Variants in MLLT3 observed in about 807,000 individuals in gnomAD.
MLLT3 encodes the protein MLLT3 super elongation complex subunit, also known as protein AF-9.
MLLT3 carries 4 observed loss-of-function variants against 53.2 expected under a neutral mutation model. The ratio of observed to expected loss-of-function variants is 0.08; its 90% CI spans 0.04 to 0.17. MLLT3 has a LOEUF of 0.17. Ranked by LOEUF, MLLT3 falls within the 10% of genes least tolerant of loss-of-function variation. The pLI is 1.00. For missense variants in MLLT3, 569 were observed against 684.0 expected, an observed-to-expected ratio of 0.83 and a Z score of 1.87; for synonymous variants, 283 against 230.6, an observed-to-expected ratio of 1.23 and a Z score of -2.06.
chr9:20,398,080 C>T (rs554023426), intron 5 of MLLT3, among the ~76,000 whole-genome samples: 1 of 152,098 alleles, frequency 6.6e-6, no homozygotes, highest in African/African-American at 2.4e-5. Context: ...CATTCTTCTG[C>T]ATATACAATG....
intron 2 of MLLT3, among the ~76,000 whole-genome samples, chr9:20,597,680 C>T (rs1411203985): frequency 6.6e-6 from 1 of 152,064 alleles, no homozygotes; most frequent in Non-Finnish European, 1.5e-5. Context: ...AAAGTTTTAG[C>T]GTCTTGTAAT....
At chr9:20,590,341 G>C (rs1234591863) in intron 2 of MLLT3, among the ~76,000 whole-genome samples, 6 of 152,208 alleles carry the variant, frequency 3.9e-5, no homozygotes, top group Admixed American at 2.0e-4. Flanking sequence ...GATATGGGTT[G>C]CATGTGTCCC....
At chr9:20,511,370 C>T (rs1226848148) in intron 2 of MLLT3, among the ~76,000 whole-genome samples, 2 of 152,056 alleles carry the variant, frequency 1.3e-5, no homozygotes, top group Non-Finnish European at 2.9e-5. Flanking sequence ...TAAAAAATTG[C>T]AATTGCAATA....
intron 5 of MLLT3, among the ~76,000 whole-genome samples, chr9:20,369,473 C>T (rs933934158): frequency 6.6e-6 from 1 of 152,078 alleles, no homozygotes; most frequent in Non-Finnish European, 1.5e-5. Context: ...TGAAAGAACG[C>T]AATTGCCACT....
chr9:20,600,425 C>T (rs1215434095), intron 2 of MLLT3, among the ~76,000 whole-genome samples: 2 of 152,184 alleles, frequency 1.3e-5, no homozygotes, highest in Non-Finnish European at 2.9e-5. Flanking sequence ...TTTAGAAATA[C>T]AACCCCTTCC....
At chr9:20,397,823 A>G (rs1822359991) in intron 5 of MLLT3, among the ~76,000 whole-genome samples, 1 of 152,078 alleles carries the variant, frequency 6.6e-6, no homozygotes, top group African/African-American at 2.4e-5. Context: ...TTTTTGTCTC[A>G]TAGATGTAAT....
In MLLT3 at chr9:20,354,846, T is replaced by G. The variant is rs752469458; in HGVS notation, c.1465A>C (p.Lys489Gln). 5 of 1,613,226 alleles carry G rather than the reference T, an allele frequency of 3.1e-6. No homozygotes were observed. The highest frequency in any genetic ancestry group is 4.2e-6 in the Non-Finnish European group (5 of 1,179,320). ...CCATTCTTTATTTGCTTATCTGATT[T>G]GCTTTGCTTTATTGGACTTTTCACT... ...LEVKSPIKQS[K>Q]SDKQIKNGEC... The change falls in exon 9 of 11, where the codon AAA (lysine) becomes CAA (glutamine). Residue 489 changes from lysine (K) to glutamine (Q), a missense_variant. Lys to Gln is a moderately conservative substitution (Grantham distance 53). Transcript: ENST00000380338.
chr9:20,354,314 C>T (rs955504035), intron 9 of MLLT3, among the ~76,000 whole-genome samples: 6 of 152,188 alleles, frequency 3.9e-5, no homozygotes, highest in Non-Finnish European at 8.8e-5. Flanking sequence ...GCACCATTTG[C>T]GATAAAGGCA....
chr9:20,457,039 C>A (rs1433768687), intron 2 of MLLT3, among the ~76,000 whole-genome samples: 1 of 152,020 alleles, frequency 6.6e-6, no homozygotes, highest in Non-Finnish European at 1.5e-5. Context: ...TCACAGTCAA[C>A]CATGATTATT....
chr9:20,437,735 A>G (rs561049302), intron 4 of MLLT3, among the ~76,000 whole-genome samples: 2 of 152,352 alleles, frequency 1.3e-5, no homozygotes, highest in Non-Finnish European at 2.9e-5. Context: ...CTGATCTAGA[A>G]TATTCCTGAT....
rs1026474326 is a variant in MLLT3 at position 20,621,615 on chromosome 9, C to G, written c.12+630G>C. Among the ~76,000 whole-genome samples, 4 of 152,094 alleles carry G rather than the reference C, an allele frequency of 2.6e-5. No homozygotes were observed. Among genetic ancestry groups the G allele is most frequent in the African/African-American group, 9.7e-5 (4 of 41,420 alleles). On this transcript the variant is annotated intron_variant, in intron 1 of 10. Coordinates refer to ENST00000380338, the MANE Select transcript of MLLT3 (RefSeq NM_004529.4). The surrounding 1 kb of genome is among the most constrained non-coding windows in gnomAD (Gnocchi z 7.0). ...CTCCAAAGTATCTCCCACCTCCCCC[C>G]AAAAAATGAAATTCAGAAAGGCAGG...
intron 2 of MLLT3, among the ~76,000 whole-genome samples, chr9:20,566,532 G>A (rs990600436): frequency 1.3e-5 from 2 of 151,960 alleles, no homozygotes; most frequent in African/African-American, 4.8e-5. Flanking sequence ...ACTTAAACAC[G>A]TATACATGCT....
intron 6 of MLLT3, among the ~76,000 whole-genome samples, chr9:20,363,967 T>C (rs188082767): frequency 6.6e-6 from 1 of 152,228 alleles, no homozygotes; most frequent in African/African-American, 2.4e-5. Flanking sequence ...GATTAATAAA[T>C]CACTGTGGTT....
chr9:20,572,523 G>A (rs1264279918), intron 2 of MLLT3, among the ~76,000 whole-genome samples: 3 of 152,142 alleles, frequency 2.0e-5, no homozygotes, highest in African/African-American at 4.8e-5. Context: ...GCCAGGCATG[G>A]TGGCTCACGC....
intron 5 of MLLT3, among the ~76,000 whole-genome samples, chr9:20,373,425 G>C (rs1587169845): frequency 6.6e-6 from 1 of 152,302 alleles, no homozygotes; most frequent in East Asian, 1.9e-4. Context: ...ACAACTAGAA[G>C]TGTTTCAAAA....
At chr9:20,571,646 T>G (rs1819536378) in intron 2 of MLLT3, among the ~76,000 whole-genome samples, 1 of 152,186 alleles carries the variant, frequency 6.6e-6, no homozygotes, top group South Asian at 2.1e-4. Context: ...CGGGTCCATG[T>G]GTTTTCATTG....
chr9:20,579,055 G>C (rs1207286290), intron 2 of MLLT3, among the ~76,000 whole-genome samples: 5 of 152,082 alleles, frequency 3.3e-5, no homozygotes, highest in Non-Finnish European at 7.4e-5. Flanking sequence ...ATTTTTGAAA[G>C]AAGGGTTAAG....
chr9:20,357,812 T>TA (rs1247880050), intron 8 of MLLT3, among the ~76,000 whole-genome samples: 2 of 152,198 alleles, frequency 1.3e-5, no homozygotes, highest in African/African-American at 4.8e-5. Context: ...TATCAATTCA[T>TA]AGAGAGAGAA....
chr9:20,588,502 A>T (rs1342292952), intron 2 of MLLT3, among the ~76,000 whole-genome samples: 1 of 152,030 alleles, frequency 6.6e-6, no homozygotes, highest in African/African-American at 2.4e-5. Flanking sequence ...TTTGTTTGTA[A>T]CCCCTTTTAT....
Sources: allele counts gnomAD v4.1 joint callset (sites outside exome capture counted in the v4.1 genomes callset), GRCh38; gene constraint gnomAD v4.1.1; non-coding constraint Gnocchi (gnomAD v3.1); transcripts MANE v1.5; gene names NCBI Gene and HGNC (gene_info 2026-07-23, HGNC 2026-07-21).